SLC35F4: variants seen among roughly 807,000 people sequenced by gnomAD.
SLC35F4 encodes chromosome 14 open reading frame 36.
A neutral mutation model predicts 44.2 loss-of-function variants in SLC35F4; 24 were observed. The observed-to-expected ratio is 0.54, with a 90% confidence interval of 0.39 to 0.76. The LOEUF (loss-of-function observed/expected upper bound fraction) is 0.76, where lower values mean the gene tolerates loss of function less well. SLC35F4 is among the 30% of genes least tolerant of loss of function. SLC35F4 has a pLI of 0.00. For synonymous variants in SLC35F4, 238 were observed against 223.6 expected (o/e 1.06, Z -0.57); for missense variants, 562 against 586.1 (o/e 0.96, Z 0.42).
At chr14:57,649,858 A>T (rs1318493290) in intron 1 of SLC35F4, among the ~76,000 whole-genome samples, 3 of 152,132 alleles carry the variant, frequency 2.0e-5, no homozygotes, top group Admixed American at 6.5e-5. Flanking sequence ...TTGATATTTC[A>T]AAAGTTTTTC....
intron 1 of SLC35F4, among the ~76,000 whole-genome samples, chr14:57,964,974 GAAAAAAAAA>G (rs72495990): frequency 1.7e-5 from 2 of 119,012 alleles, no homozygotes; most frequent in Non-Finnish European, 1.7e-5. Context: ...TCCCATGGGG[GAAAAAAAAA>G]AAAAAAAAAT....
intron 1 of SLC35F4, among the ~76,000 whole-genome samples, chr14:57,635,121 C>T (rs1246964580): frequency 6.6e-6 from 1 of 151,814 alleles, no homozygotes; most frequent in Non-Finnish European, 1.5e-5. Flanking sequence ...TGGCATGCAC[C>T]TATAGTCCTA....
chr14:57,738,748 CATATATATATATATATATATATAT>C (rs36212594), intron 1 of SLC35F4, among the ~76,000 whole-genome samples: 14 of 110,306 alleles, frequency 1.3e-4, no homozygotes, highest in African/African-American at 3.8e-4. Context: ...TTTGAATTTT[CATATATATATATATATATATATAT>C]ATATATATAT....
intron 1 of SLC35F4, among the ~76,000 whole-genome samples, chr14:57,736,244 T>C (rs2076460998): frequency 6.6e-6 from 1 of 152,180 alleles, no homozygotes; most frequent in African/African-American, 2.4e-5. Flanking sequence ...TTTCTTAGAA[T>C]TGCAGCATGT....
At chr14:57,781,654 A>G (rs2077624274) in intron 1 of SLC35F4, among the ~76,000 whole-genome samples, 1 of 152,236 alleles carries the variant, frequency 6.6e-6, no homozygotes, top group Admixed American at 6.5e-5. Context: ...AAGACATGAA[A>G]TCAACCTAAA....
At chr14:57,696,671 G>A (rs1418665443) in intron 1 of SLC35F4, among the ~76,000 whole-genome samples, 1 of 152,174 alleles carries the variant, frequency 6.6e-6, no homozygotes, top group Non-Finnish European at 1.5e-5. Context: ...CAACTCAAAT[G>A]CCCATCAATG....
chr14:57,728,298 T>C (rs1223228677), intron 1 of SLC35F4, among the ~76,000 whole-genome samples: 4 of 152,172 alleles, frequency 2.6e-5, no homozygotes, highest in African/African-American at 7.2e-5. Flanking sequence ...GTGTTTCTTG[T>C]AGGCAACAAA....
At chr14:57,840,477 G>A (rs764261338) in intron 1 of SLC35F4, among the ~76,000 whole-genome samples, 2 of 152,166 alleles carry the variant, frequency 1.3e-5, no homozygotes, top group African/African-American at 4.8e-5. Context: ...TTCACTATCA[G>A]AAAATTAGGT....
chr14:57,714,716 C>T (rs541636220), intron 1 of SLC35F4, among the ~76,000 whole-genome samples: 9 of 152,204 alleles, frequency 5.9e-5, no homozygotes, highest in African/African-American at 2.2e-4. Context: ...GTTTCCAGCT[C>T]AGTGGGGAAT....
At chr14:57,942,174 C>A (rs556344261) in intron 1 of SLC35F4, among the ~76,000 whole-genome samples, 31 of 152,294 alleles carry the variant, frequency 2.0e-4, no homozygotes, top group Non-Finnish European at 3.7e-4. Flanking sequence ...TTCCTTGCCG[C>A]AAAGCTTTCA....
At chr14:57,981,856 A>G (rs1881392591) in intron 1 of SLC35F4, 1 of 152,258 alleles carries the variant, frequency 6.6e-6, no homozygotes, top group South Asian at 2.1e-4. Context: ...TCTGGCAGAC[A>G]TTTAAGAGCC....
intron 1 of SLC35F4, among the ~76,000 whole-genome samples, chr14:57,873,327 A>G (rs1172981592): frequency 2.0e-5 from 3 of 152,226 alleles, no homozygotes; most frequent in Admixed American, 1.3e-4. Flanking sequence ...AGTAACATTT[A>G]AAGTCTCTAC....
chr14:57,803,744 C>A (rs1011355966), intron 1 of SLC35F4, among the ~76,000 whole-genome samples: 2 of 151,820 alleles, frequency 1.3e-5, no homozygotes, highest in Non-Finnish European at 2.9e-5. Context: ...CGCTTGACAC[C>A]GTGCTTGGCT....
intron 1 of SLC35F4, among the ~76,000 whole-genome samples, chr14:57,951,115 T>C (rs929104215): frequency 7.2e-5 from 11 of 152,198 alleles, no homozygotes; most frequent in East Asian, 3.9e-4. Flanking sequence ...GCTCATCTCA[T>C]TGGGACTGGT....
chr14:57,812,793 A>G (rs576904230), intron 1 of SLC35F4, among the ~76,000 whole-genome samples: 3 of 152,346 alleles, frequency 2.0e-5, no homozygotes, highest in Admixed American at 2.0e-4. Context: ...TCAAGTCATG[A>G]CAGTCACAGA....
chr14:57,741,747 A>C (rs1274819895), intron 1 of SLC35F4, among the ~76,000 whole-genome samples: 1 of 152,206 alleles, frequency 6.6e-6, no homozygotes, highest in Non-Finnish European at 1.5e-5. Context: ...TGCAATGAGA[A>C]GAGCAACTCC....
intron 1 of SLC35F4, among the ~76,000 whole-genome samples, chr14:57,670,174 A>G (rs1357000680): frequency 1.3e-5 from 2 of 151,982 alleles, no homozygotes; most frequent in East Asian, 3.8e-4. Context: ...ATCAGTGGTG[A>G]TATTCACTTT....
chr14:57,671,593 A>G (rs773151775), intron 1 of SLC35F4, among the ~76,000 whole-genome samples: 9 of 152,056 alleles, frequency 5.9e-5, no homozygotes, highest in Non-Finnish European at 1.0e-4. Context: ...CCCAGGCACT[A>G]TATCAAGGGC....
intron 1 of SLC35F4, among the ~76,000 whole-genome samples, chr14:57,861,773 TG>T (rs1348778284): frequency 6.6e-6 from 1 of 152,224 alleles, no homozygotes; most frequent in African/African-American, 2.4e-5. Flanking sequence ...CACATGTTCC[TG>T]GTTTTCCTCC....
Sources: gnomAD v4.1 joint callset for allele counts (sites outside exome capture counted in the v4.1 genomes callset) on GRCh38, gnomAD v4.1.1 for gene constraint, MANE v1.5 for transcripts, NCBI Gene and HGNC (gene_info 2026-07-23, HGNC 2026-07-21) for gene names.